SDK1: variants seen among roughly 807,000 people sequenced by gnomAD.
SDK1 encodes the protein sidekick cell adhesion molecule 1, also known as protein sidekick-1.
SDK1 carries 157 observed loss-of-function variants against 245.5 expected under a neutral mutation model. The ratio of observed to expected loss-of-function variants is 0.64; its 90% confidence interval spans 0.56 to 0.73. The LOEUF (loss-of-function observed/expected upper bound fraction) is 0.73. Among genes scored for constraint, SDK1 ranks in the 30% least tolerant of loss-of-function variants. The pLI is 0.00. For missense variants in SDK1, 3,583 were observed against 3,002.3 expected, an observed-to-expected ratio of 1.19 and a Z score of -4.52; for synonymous variants, 1,647 against 1,278.5, an observed-to-expected ratio of 1.29 and a Z score of -6.15.
chr7:4,193,280 ATACATATAAAAT>A (rs1296531473), intron 35 of SDK1, among the ~76,000 whole-genome samples: 1 of 136,710 alleles, frequency 7.3e-6, no homozygotes, highest in East Asian at 2.0e-4. Flanking sequence ...TACATATAAA[ATACATATAAAAT>A]TACATATAAA....
chr7:3,573,211 T>C (rs989295553), intron 1 of SDK1, among the ~76,000 whole-genome samples: 4 of 151,362 alleles, frequency 2.6e-5, no homozygotes, highest in Admixed American at 1.3e-4. Flanking sequence ...GTGGAGACTG[T>C]GCTGGGAGGG....
At chr7:3,933,403 G>A (rs1780049796) in intron 5 of SDK1, among the ~76,000 whole-genome samples, 1 of 152,164 alleles carries the variant, frequency 6.6e-6, no homozygotes, top group Admixed American at 6.5e-5. Flanking sequence ...GTGAGCCGCT[G>A]CACCCAGCTG....
chr7:3,716,095 C>A (rs1320793254), intron 4 of SDK1, among the ~76,000 whole-genome samples: 10 of 130,294 alleles, frequency 7.7e-5, no homozygotes, highest in African/African-American at 1.2e-4. Context: ...TCAGTCTGAC[C>A]AACAATGAAA....
rs12333373 is a variant in SDK1, at chr7:3,776,330, C to G, written c.714-45120C>G. Among the ~76,000 whole-genome samples the G allele has an allele frequency of 5.6e-3, 846 of 152,332 alleles. 9 individuals carry two copies. The highest frequency in any genetic ancestry group is 0.019 in the African/African-American group (809 of 41,566). On this transcript the variant is annotated intron_variant, in intron 4 of 44. Transcript: ENST00000404826. ...CAGAGATGTTAGTTTTTCATATGCA[C>G]TGTACCCACATTCTGTTTCCCAGTT... is the stretch of plus-strand genomic sequence containing the variant.
chr7:3,925,749 C>G (rs567467895), intron 5 of SDK1, among the ~76,000 whole-genome samples: 22 of 152,308 alleles, frequency 1.4e-4, no homozygotes, highest in South Asian at 4.1e-4. Context: ...AGTTAATGAT[C>G]TGCTGCAGAA....
intron 8 of SDK1, among the ~76,000 whole-genome samples, chr7:3,961,353 A>G (rs576421963): frequency 6.6e-6 from 1 of 152,354 alleles, no homozygotes; most frequent in East Asian, 1.9e-4. Context: ...AAGAGAATCT[A>G]GGAAGACATT....
chr7:3,581,173 CA>C (rs1780476027), intron 1 of SDK1, among the ~76,000 whole-genome samples: 2 of 151,964 alleles, frequency 1.3e-5, no homozygotes, highest in Non-Finnish European at 2.9e-5. Context: ...AGTATGCAGA[CA>C]ATCTGTAGAA....
At chr7:3,575,807 A>G (rs1481790133) in intron 1 of SDK1, among the ~76,000 whole-genome samples, 3 of 152,164 alleles carry the variant, frequency 2.0e-5, no homozygotes, top group African/African-American at 7.2e-5. Context: ...GCAAAACACA[A>G]TAGCGTTTGT....
chr7:3,675,325 G>A (rs112565135), intron 4 of SDK1, among the ~76,000 whole-genome samples: 10 of 152,112 alleles, frequency 6.6e-5, no homozygotes, highest in Admixed American at 4.6e-4. Flanking sequence ...AGTGATGGTC[G>A]TCTACAGCTG....
At chr7:4,215,771 T>C (rs1305978256) in intron 38 of SDK1, among the ~76,000 whole-genome samples, 1 of 152,168 alleles carries the variant, frequency 6.6e-6, no homozygotes, top group Non-Finnish European at 1.5e-5. Context: ...GGAGCACCTA[T>C]TACTTGATGC....
At chr7:4,228,253 G>T (rs1785553160) in intron 40 of SDK1, among the ~76,000 whole-genome samples, 1 of 152,158 alleles carries the variant, frequency 6.6e-6, no homozygotes, top group South Asian at 2.1e-4. Context: ...TTCTCCAATG[G>T]CGTTTCAGTA....
At chr7:3,479,687 C>A (rs1011966628) in intron 1 of SDK1, among the ~76,000 whole-genome samples, 2 of 151,852 alleles carry the variant, frequency 1.3e-5, no homozygotes, top group South Asian at 2.1e-4. Context: ...CATAGTGAAA[C>A]CCTATTTCTA....
In SDK1 at chr7:4,051,449, G is replaced by T. The variant is rs1042320000; in HGVS notation, c.2719-189G>T. Among the ~76,000 whole-genome samples the T allele has an allele frequency of 2.0e-5, 3 of 151,588 alleles. No homozygotes were observed. In the East Asian group the frequency reaches 5.8e-4, roughly 29 times the overall value. ...AAAATACATGTAAATATACATGCTT[G>T]TATACAAAAACCTATAAAATATATT... On this transcript the variant is annotated intron_variant, in intron 18 of 44. Transcript: ENST00000404826.
intron 1 of SDK1, among the ~76,000 whole-genome samples, chr7:3,600,941 G>C (rs1202981726): frequency 3.3e-5 from 5 of 152,014 alleles, no homozygotes; most frequent in Non-Finnish European, 7.4e-5. Context: ...CATGAATGTT[G>C]TATTTTGTCA....
At chr7:3,472,842 T>C (rs904194390) in intron 1 of SDK1, among the ~76,000 whole-genome samples, 4 of 152,112 alleles carry the variant, frequency 2.6e-5, no homozygotes, top group African/African-American at 9.7e-5. Flanking sequence ...AGGTCTGGCT[T>C]ACAGTACCAG....
intron 4 of SDK1, among the ~76,000 whole-genome samples, chr7:3,798,245 T>A (rs908255495): frequency 5.0e-5 from 7 of 140,464 alleles, no homozygotes; most frequent in African/African-American, 1.9e-4. Flanking sequence ...TGAGACAGAT[T>A]CTGTCTCTTT....
chr7:3,726,795 T>G (rs905685101), intron 4 of SDK1, among the ~76,000 whole-genome samples: 3 of 152,196 alleles, frequency 2.0e-5, no homozygotes, highest in African/African-American at 7.2e-5. Context: ...CTTCCTGGGC[T>G]TTATTCCTCT....
intron 4 of SDK1, among the ~76,000 whole-genome samples, chr7:3,649,907 C>G (rs1398369023): frequency 6.6e-6 from 1 of 151,702 alleles, no homozygotes. Context: ...GATGTATTTG[C>G]TAAACTGAAA....
At chr7:3,678,012 T>C (rs979231104) in intron 4 of SDK1, among the ~76,000 whole-genome samples, 5 of 152,218 alleles carry the variant, frequency 3.3e-5, no homozygotes, top group South Asian at 2.1e-4. Flanking sequence ...GAAGAGATGT[T>C]CAGTGTCATT....
Sources: gnomAD v4.1 joint callset for allele counts (sites outside exome capture counted in the v4.1 genomes callset) on GRCh38, gnomAD v4.1.1 for gene constraint, MANE v1.5 for transcripts, NCBI Gene and HGNC (gene_info 2026-07-23, HGNC 2026-07-21) for gene names.